XKR9: variants seen among roughly 807,000 people sequenced by gnomAD.
XKR9 encodes the protein XK-related protein 9.
Under a neutral mutation model 32.0 loss-of-function variants are expected in XKR9, and 32 were observed. The ratio of observed to expected loss-of-function variants is 1.00; its 90% confidence interval spans 0.76 to 1.34. The LOEUF (loss-of-function observed/expected upper bound fraction) is 1.34. Ranked by LOEUF, XKR9 falls within the 40% of genes most tolerant of loss-of-function variation. The pLI, the probability that XKR9 is intolerant of heterozygous loss-of-function variation, is 0.00. For synonymous variants in XKR9, 168 were observed against 143.4 expected, an observed-to-expected ratio of 1.17 and a Z score of -1.22; for missense variants, 546 against 429.7, an observed-to-expected ratio of 1.27 and a Z score of -2.39.
At chr8:70,880,924 T>C in the XKR9 span, among the ~76,000 whole-genome samples, 7 of 152,240 alleles carry the variant, frequency 4.6e-5, no homozygotes, top group Middle Eastern at 3.4e-3. Flanking sequence ...AAAACAGATA[T>C]ATTTTCAAAT....
chr8:71,050,543 G>C, the XKR9 span, among the ~76,000 whole-genome samples: 2 of 152,042 alleles, frequency 1.3e-5, no homozygotes, highest in African/African-American at 2.4e-5. Context: ...CAGGAGCTTG[G>C]AGTAAGGTGG....
chr8:70,696,404 T>C (rs1299167374), intron 3 of XKR9, among the ~76,000 whole-genome samples: 1 of 151,770 alleles, frequency 6.6e-6, no homozygotes, highest in Non-Finnish European at 1.5e-5. Flanking sequence ...TACATATGGC[T>C]AGCCAGTTTT....
the XKR9 span, among the ~76,000 whole-genome samples, chr8:71,047,592 TA>T: frequency 6.6e-6 from 1 of 152,318 alleles, no homozygotes; most frequent in Non-Finnish European, 1.5e-5. Context: ...GCTCATCCCT[TA>T]GGTAATATGC....
chr8:70,914,984 A>C, the XKR9 span, among the ~76,000 whole-genome samples: 2 of 152,134 alleles, frequency 1.3e-5, no homozygotes, highest in Non-Finnish European at 2.9e-5. Flanking sequence ...CTGAAGGCTC[A>C]AAGGTTGGGT....
the XKR9 span, among the ~76,000 whole-genome samples, chr8:70,953,614 G>C: frequency 5.3e-5 from 8 of 152,180 alleles, no homozygotes; most frequent in African/African-American, 1.9e-4. Flanking sequence ...TCTCAGCCCT[G>C]TTATTCCATT....
the XKR9 span, among the ~76,000 whole-genome samples, chr8:70,797,782 C>T: frequency 6.6e-6 from 1 of 152,102 alleles, no homozygotes; most frequent in African/African-American, 2.4e-5. Flanking sequence ...TTAGCTCTCA[C>T]TTATAAGTGA....
the XKR9 span, among the ~76,000 whole-genome samples, chr8:70,879,053 C>T: frequency 6.6e-6 from 1 of 152,192 alleles, no homozygotes; most frequent in Non-Finnish European, 1.5e-5. Context: ...TCCTGAATGA[C>T]TACTTGGTAA....
chr8:70,679,940 A>G (rs1260958261), intron 2 of XKR9, among the ~76,000 whole-genome samples: 1 of 152,106 alleles, frequency 6.6e-6, no homozygotes, highest in African/African-American at 2.4e-5. Flanking sequence ...CTGCATGAGT[A>G]TCATTTACTA....
At chr8:70,813,478 A>G in the XKR9 span, among the ~76,000 whole-genome samples, 1 of 152,214 alleles carries the variant, frequency 6.6e-6, no homozygotes, top group Non-Finnish European at 1.5e-5. Flanking sequence ...GCACAGCAAA[A>G]GAAACTACCA....
At chr8:70,731,209 A>G (rs574800166) in intron 4 of XKR9, among the ~76,000 whole-genome samples, 22 of 152,310 alleles carry the variant, frequency 1.4e-4, no homozygotes, top group Admixed American at 5.2e-4. Flanking sequence ...CCTTTTTTCT[A>G]TCAATCAGAC....
At chr8:70,852,835 C>G in the XKR9 span, among the ~76,000 whole-genome samples, 1 of 151,978 alleles carries the variant, frequency 6.6e-6, no homozygotes, top group Non-Finnish European at 1.5e-5. Flanking sequence ...AGATCACATT[C>G]TGGGGTCCAT....
the XKR9 span, among the ~76,000 whole-genome samples, chr8:70,964,444 T>G: frequency 6.6e-6 from 1 of 152,208 alleles, no homozygotes; most frequent in Non-Finnish European, 1.5e-5. Context: ...GTCTTGGCTA[T>G]TTGGGCTCTA....
At chr8:70,780,491 A>G (rs1473980877) in intron 2 of XKR9, among the ~76,000 whole-genome samples, 3 of 152,078 alleles carry the variant, frequency 2.0e-5, no homozygotes, top group Non-Finnish European at 4.4e-5. Context: ...CTTATGTACT[A>G]TATAGAAACA....
At chr8:70,894,921 G>T in the XKR9 span, among the ~76,000 whole-genome samples, 27 of 152,168 alleles carry the variant, frequency 1.8e-4, no homozygotes, top group African/African-American at 5.8e-4. Flanking sequence ...GTGGCTATTT[G>T]CCTCCAGAAC....
the XKR9 span, among the ~76,000 whole-genome samples, chr8:70,909,104 G>A: frequency 1.3e-5 from 2 of 151,930 alleles, no homozygotes; most frequent in Non-Finnish European, 2.9e-5. Flanking sequence ...TCCTTTACCT[G>A]TATTTTCAGT....
the XKR9 span, among the ~76,000 whole-genome samples, chr8:70,807,053 C>A: frequency 6.6e-6 from 1 of 152,170 alleles, no homozygotes; most frequent in Non-Finnish European, 1.5e-5. Context: ...GCCCATCAGA[C>A]TAATAGCAGA....
chr8:70,745,781 G>A (rs1807050353), intron 2 of XKR9, among the ~76,000 whole-genome samples: 3 of 152,150 alleles, frequency 2.0e-5, no homozygotes, highest in Non-Finnish European at 4.4e-5. Flanking sequence ...ATTGCTACAA[G>A]CCAGGAGAAC....
intron 2 of XKR9, among the ~76,000 whole-genome samples, chr8:70,676,254 C>T (rs1025904976): frequency 2.0e-5 from 3 of 152,158 alleles, no homozygotes; most frequent in Non-Finnish European, 4.4e-5. Context: ...AGCACCAAAC[C>T]ATGAGAGATA....
intron 1 of XKR9, among the ~76,000 whole-genome samples, chr8:70,674,090 GC>G (rs1361724028): frequency 6.6e-6 from 1 of 151,608 alleles, no homozygotes; most frequent in Non-Finnish European, 1.5e-5. Context: ...GAGTGCTTGA[GC>G]CCAGGAGTTC....
Sources: gnomAD v4.1 joint callset for allele counts (sites outside exome capture counted in the v4.1 genomes callset) on GRCh38, gnomAD v4.1.1 for gene constraint, MANE v1.5 for transcripts, NCBI Gene and HGNC (gene_info 2026-07-23, HGNC 2026-07-21) for gene names.